PIK3CG: variants seen among roughly 807,000 people sequenced by gnomAD.
PIK3CG encodes phosphatidylinositol-4,5-bisphosphate 3-kinase catalytic subunit gamma.
Under a neutral mutation model 102.3 loss-of-function variants are expected in PIK3CG, and 55 were observed. The ratio of observed to expected loss-of-function variants is 0.54; its 90% CI spans 0.43 to 0.67. The LOEUF (loss-of-function observed/expected upper bound fraction) is 0.67, where lower values mean the gene tolerates loss of function less well. Among genes scored for constraint, PIK3CG ranks in the 30% least tolerant of loss-of-function variants. The probability of loss-of-function intolerance (pLI) is 0.00; values close to 1 mark genes in which losing one functional copy is unlikely to be tolerated. For synonymous variants in PIK3CG, 552 were observed against 540.0 expected (o/e 1.02, Z -0.31); for missense variants, 1,258 against 1,391.8 (o/e 0.90, Z 1.53).
At chr7:106,900,407 T>C (rs1237398526) in intron 10 of PIK3CG, among the ~76,000 whole-genome samples, 1 of 152,210 alleles carries the variant, frequency 6.6e-6, no homozygotes, top group Non-Finnish European at 1.5e-5. Context: ...TTCTATTTGC[T>C]TGGTATATTT....
At chr7:106,875,806 A>G (rs1307261190) in intron 5 of PIK3CG, among the ~76,000 whole-genome samples, 1 of 150,250 alleles carries the variant, frequency 6.7e-6, no homozygotes, top group Non-Finnish European at 1.5e-5. Flanking sequence ...ACAAGATACC[A>G]TTTTTCCAAA....
chr7:106,907,581 T>C lies in PIK3CG; in HGVS notation c.*2194T>C, dbSNP rs113143966. Among the ~76,000 whole-genome samples, 2,114 of 152,082 alleles carry C rather than the reference T, an allele frequency of 0.014. 56 individuals are homozygous for C. The highest frequency in any genetic ancestry group is 0.048 in the African/African-American group (2,004 of 41,496). On this transcript the variant is annotated 3_prime_UTR_variant, in exon 11 of 11. Transcript: ENST00000496166. ...AAACAATAGCCAAGTTCAGACCTTG[T>C]ACAGATTCTTTTTATTTGAATTGCT... is the stretch of plus-strand genomic sequence containing the variant.
chr7:106,881,300 T>G (rs2116532951), intron 6 of PIK3CG, among the ~76,000 whole-genome samples: 1 of 152,344 alleles, frequency 6.6e-6, no homozygotes, highest in Non-Finnish European at 1.5e-5. Flanking sequence ...TTTAAGCTCT[T>G]TAAGGCTTTG....
rs1482224004 is a variant in PIK3CG at position 106,895,480 on chromosome 7, C to A, written c.3030+9188C>A. Among the ~76,000 whole-genome samples, 2 of 152,166 alleles carry A rather than the reference C, an allele frequency of 1.3e-5. No individual in the cohort carries two copies. The highest frequency in any genetic ancestry group is 2.1e-4 in the South Asian group (1 of 4,830). The stretch of plus-strand genomic sequence containing the variant: ...CAGGGCAGGTGCTCGGCTGTGCCCC[C>A]CAGGGTGAGAGAACCACCTGCAGGA... On this transcript the variant is annotated intron_variant, in intron 10 of 10. Coordinates refer to ENST00000496166, the MANE Select transcript of PIK3CG (RefSeq NM_001282426.2). This position sits in a 1 kb window ranked among gnomAD's most constrained non-coding sequence, Gnocchi z 5.4.
Position 106,872,842 on chromosome 7 carries a change from G to A in PIK3CG, c.2191G>A (p.Asp731Asn), listed in dbSNP as rs753731201. ...GGGCTGTGGCACAGCCATGCTGCAC[G>A]ACTTTACCCAACAAGTCCAAGTAAT... is the stretch of plus-strand genomic sequence containing the variant. Reference protein sequence around the residue: ...LRGCGTAMLHDFTQQVQVIEM... With the variant: ...LRGCGTAMLHNFTQQVQVIEM... Residue 731 changes from aspartate to asparagine, a missense_variant, in exon 4 of 11, where the codon GAC becomes AAC. Transcript: ENST00000496166. The surrounding 1 kb of genome is among the most constrained non-coding windows in gnomAD (Gnocchi z 5.3). 58 of 1,614,048 alleles carry A rather than the reference G, an allele frequency of 3.6e-5. No individual in the cohort carries two copies. The highest frequency in any genetic ancestry group is 4.5e-5 in the East Asian group (2 of 44,900).
Position 106,906,150 on chromosome 7 carries a change from C to T in PIK3CG, c.*763C>T, listed in dbSNP as rs1179495358. On this transcript the variant is annotated 3_prime_UTR_variant, in exon 11 of 11. Coordinates refer to ENST00000496166, the MANE Select transcript of PIK3CG (RefSeq NM_001282426.2). Reference sequence around the variant, plus strand: ...ATGGCAGCAGGAAGTAACTACAGGGCCTCTTTTATGCCTGACATTTCTTCC... The same window carrying T: ...ATGGCAGCAGGAAGTAACTACAGGGTCTCTTTTATGCCTGACATTTCTTCC... 3 of 228,226 alleles carry T rather than the reference C, an allele frequency of 1.3e-5. No homozygotes were observed. The highest frequency in any genetic ancestry group is 2.6e-5 in the Non-Finnish European group (3 of 115,632). The allele number at this position is 228,226 out of a possible 1,614,324, so 14.1% of individuals were successfully genotyped here. A position where few individuals can be genotyped will look rare whatever the true frequency, so the allele number is the denominator to read the frequency against.
intron 6 of PIK3CG, 41 bp from the exon 7 acceptor site, chr7:106,882,076 A>G: frequency 1.2e-6 from 1 of 815,878 alleles, no homozygotes. Context: ...TATTAAGTTA[A>G]TATATATATA....
chr7:106,871,175 G>C (rs1270520451), intron 2 of PIK3CG, among the ~76,000 whole-genome samples: 1 of 152,218 alleles, frequency 6.6e-6, no homozygotes, highest in Non-Finnish European at 1.5e-5. Flanking sequence ...TTTCAGCTAT[G>C]GCTAAATGAC....
chr7:106,885,441 A>C (rs1425774817), intron 9 of PIK3CG, among the ~76,000 whole-genome samples: 1 of 152,150 alleles, frequency 6.6e-6, no homozygotes, highest in Non-Finnish European at 1.5e-5. Context: ...CCAAAGCATG[A>C]GATTTTTCTC....
chr7:106,870,719 G>A (rs916187621), intron 2 of PIK3CG, among the ~76,000 whole-genome samples: 8 of 152,108 alleles, frequency 5.3e-5, no homozygotes, highest in Admixed American at 2.0e-4. Context: ...ATCACTATCC[G>A]TATTTATAGG....
rs1030412901 is a variant in PIK3CG at position 106,877,883 on chromosome 7, A to G, written c.2392-1636A>G. On this transcript the variant is annotated intron_variant, in intron 5 of 10. Transcript: ENST00000496166. The surrounding 1 kb of genome is among the most constrained non-coding windows in gnomAD (Gnocchi z 4.5). The stretch of plus-strand genomic sequence containing the variant: ...TATTTTTATTATGATTTCAACTTCT[A>G]TATATGTTATAAATGGCACAATAAG... Among the ~76,000 whole-genome samples, 11 of 152,192 alleles carry G rather than the reference A, an allele frequency of 7.2e-5. No individual in the cohort carries two copies.
rs1000513467 is a variant in PIK3CG at position 106,893,176 on chromosome 7, G to A, written c.3030+6884G>A. ...ACCCATAATGTACTGAGCTGATAAA[G>A]GATTCCGTCTTGGGATCTGCACCCC... On this transcript the variant is annotated intron_variant, in intron 10 of 10. Coordinates refer to ENST00000496166, the MANE Select transcript of PIK3CG (RefSeq NM_001282426.2). The surrounding 1 kb of genome is among the most constrained non-coding windows in gnomAD (Gnocchi z 4.4). 3.3e-5 allele frequency among the ~76,000 whole-genome samples: 5 copies of A among 152,146 alleles called. No homozygotes were observed. Among genetic ancestry groups the A allele is most frequent in the African/African-American group, 1.2e-4 (5 of 41,428 alleles).
In PIK3CG at chr7:106,895,830, T is replaced by A. The variant is rs996634868; in HGVS notation, c.3031-9279T>A. On this transcript the variant is annotated intron_variant, in intron 10 of 10. Transcript: ENST00000496166. This position sits in a 1 kb window ranked among gnomAD's most constrained non-coding sequence, Gnocchi z 5.4. ...TTCTTAATCTATATTTAAAAGAGGT[T>A]AAGTGACTTCTCCAGTGATATATAG... Among the ~76,000 whole-genome samples the A allele has an allele frequency of 3.9e-5, 6 of 152,246 alleles. No individual in the cohort carries two copies. The highest frequency in any genetic ancestry group is 1.4e-4 in the African/African-American group (6 of 41,464).
rs1431992958 is a variant in PIK3CG at position 106,867,975 on chromosome 7, G to A, written c.414G>A (p.Val138=). ...THRSPGQIHL[V]QRHPPSEESQ... ...GGAGCCCGGGCCAGATCCACCTGGT[G>A]CAGCGGCACCCGCCCTCCGAGGAGT... The change falls in exon 2 of 11, where the codon GTG becomes GTA. Residue 138 remains valine, a synonymous_variant. Transcript: ENST00000496166. This position sits in a 1 kb window ranked among gnomAD's most constrained non-coding sequence, Gnocchi z 5.1. 1 of 1,612,334 alleles carries A rather than the reference G, an allele frequency of 6.2e-7. No individual in the cohort carries two copies. The highest frequency in any genetic ancestry group is 8.5e-7 in the Non-Finnish European group (1 of 1,179,288).
Position 106,879,751 on chromosome 7 carries a change from C to A in PIK3CG, c.2538+86C>A, listed in dbSNP as rs2116526563. ...CATGCTTTCTCCTACTGGCTCTATTCCCACTCTCTTCTTTCAAGTGATGAA... is the reference window on the plus strand; with the variant it reads ...CATGCTTTCTCCTACTGGCTCTATTACCACTCTCTTCTTTCAAGTGATGAA... On this transcript the variant is annotated intron_variant, in intron 6 of 10. Transcript: ENST00000496166. The surrounding 1 kb of genome is among the most constrained non-coding windows in gnomAD (Gnocchi z 4.9). The A allele has an allele frequency of 1.0e-6, 1 of 958,138 alleles. No individual in the cohort carries two copies. Among genetic ancestry groups the A allele is most frequent in the Non-Finnish European group, 1.6e-6 (1 of 624,910 alleles). 59.4% of individuals were successfully genotyped at this position (958,138 alleles called of 1,614,324 possible).
chr7:106,897,488 C>T lies in PIK3CG; in HGVS notation c.3031-7621C>T, dbSNP rs889996736. Among the ~76,000 whole-genome samples, 1 of 152,104 alleles carries T rather than the reference C, an allele frequency of 6.6e-6. No individual in the cohort carries two copies. Among genetic ancestry groups the T allele is most frequent in the African/African-American group, 2.4e-5 (1 of 41,396 alleles). On this transcript the variant is annotated intron_variant, in intron 10 of 10. Coordinates refer to ENST00000496166, the MANE Select transcript of PIK3CG (RefSeq NM_001282426.2). This position sits in a 1 kb window ranked among gnomAD's most constrained non-coding sequence, Gnocchi z 4.6. ...ATCATTTCGTCACCCAGGCATTAAG[C>T]CCAGTACCCAATAGTTATCTTTTTT... is the stretch of plus-strand genomic sequence containing the variant.
chr7:106,881,979 G>A lies in PIK3CG; in HGVS notation c.2539-138G>A, dbSNP rs1790952009. 7 of 357,406 alleles carry A rather than the reference G, an allele frequency of 2.0e-5. No individual in the cohort carries two copies. The South Asian group carries it at 5.8e-4, about 29-fold the overall frequency. The allele number at this position is 357,406 out of a possible 1,614,324, so 22.1% of individuals were successfully genotyped here. A position where few individuals can be genotyped will look rare whatever the true frequency, so the allele number is the denominator to read the frequency against. On this transcript the variant is annotated intron_variant, in intron 6 of 10. Coordinates refer to ENST00000496166, the MANE Select transcript of PIK3CG (RefSeq NM_001282426.2). The stretch of plus-strand genomic sequence containing the variant: ...TAGAGTACCAGATTGACCAATAAAC[G>A]TACAGTTGTTACTTATATGTTTTAC...
At chr7:106,870,637 T>A (rs1159064905) in intron 2 of PIK3CG, among the ~76,000 whole-genome samples, 1 of 152,204 alleles carries the variant, frequency 6.6e-6, no homozygotes, top group African/African-American at 2.4e-5. Context: ...CCCGGGACAG[T>A]TCTGAGTAAG....
chr7:106,875,457 T>C (rs1220122950), intron 5 of PIK3CG, among the ~76,000 whole-genome samples: 1 of 152,060 alleles, frequency 6.6e-6, no homozygotes, highest in East Asian at 1.9e-4. Context: ...TCCATAGACA[T>C]GTTACAGAAA....
Sources: gnomAD v4.1 joint callset for allele counts (sites outside exome capture counted in the v4.1 genomes callset) on GRCh38, gnomAD v4.1.1 for gene constraint, Gnocchi (gnomAD v3.1) non-coding constraint, MANE v1.5 for transcripts, NCBI Gene and HGNC (gene_info 2026-07-23, HGNC 2026-07-21) for gene names.